TRAPPC9: variants seen among roughly 807,000 people sequenced by gnomAD.
TRAPPC9 encodes IKK2 binding protein.
TRAPPC9 carries 83 observed loss-of-function variants against 124.0 expected under a neutral mutation model. The observed-to-expected ratio is 0.67, with a 90% CI of 0.56 to 0.80. The LOEUF (loss-of-function observed/expected upper bound fraction) is 0.80. Ranked by LOEUF, TRAPPC9 falls within the 30% of genes least tolerant of loss-of-function variation. The pLI, the probability that TRAPPC9 is intolerant of heterozygous loss-of-function variation, is 0.00. For synonymous variants in TRAPPC9, 638 were observed against 617.5 expected, an observed-to-expected ratio of 1.03 and a Z score of -0.49; for missense variants, 1,302 against 1,508.3, an observed-to-expected ratio of 0.86 and a Z score of 2.27.
chr8:139,778,877 T>C (rs1157297595), intron 21 of TRAPPC9, among the ~76,000 whole-genome samples: 4 of 152,000 alleles, frequency 2.6e-5, no homozygotes, highest in African/African-American at 9.7e-5. Flanking sequence ...TGGTCAAAAT[T>C]TTCCCCAAAT....
chr8:140,006,288 T>C (rs1372584178), intron 18 of TRAPPC9, among the ~76,000 whole-genome samples: 1 of 152,310 alleles, frequency 6.6e-6, no homozygotes, highest in African/African-American at 2.4e-5. Context: ...AAAAATATAA[T>C]TTTTTAAATG....
intron 19 of TRAPPC9, among the ~76,000 whole-genome samples, chr8:139,922,147 C>A (rs1055906845): frequency 2.0e-5 from 3 of 151,662 alleles, no homozygotes; most frequent in South Asian, 2.1e-4. Context: ...CATTTATTTT[C>A]ATTTCCTTCC....
Position 139,988,762 on chromosome 8 carries a change from C to T in TRAPPC9, c.2774G>A (p.Ser925Asn). The change falls in exon 19 of 23, where the codon AGC becomes AAC. Residue 925 changes from serine (S) to asparagine (N), a missense_variant. By Grantham distance (46) the Ser-to-Asn change is conservative. Coordinates refer to ENST00000438773, the MANE Select transcript of TRAPPC9 (RefSeq NM_001160372.4). ...EHELTVSTRS[S>N]EALILHAGEC... ...ACCGGCGTGCAGGATGAGTGCCTCGCTGCTCCTGGTGCTGACGGTCAGCTC... is the reference window on the plus strand; with the variant it reads ...ACCGGCGTGCAGGATGAGTGCCTCGTTGCTCCTGGTGCTGACGGTCAGCTC... 6.4e-7 allele frequency: 1 copy of T among 1,551,362 alleles called. No homozygotes were observed. Among genetic ancestry groups the T allele is most frequent in the South Asian group, 1.2e-5 (1 of 84,054 alleles).
chr8:140,293,860 TATA>T (rs1021846203), intron 11 of TRAPPC9, among the ~76,000 whole-genome samples: 9 of 151,890 alleles, frequency 5.9e-5, no homozygotes, highest in Non-Finnish European at 1.0e-4. Flanking sequence ...AAACTTAAAG[TATA>T]ATAATAATAA....
chr8:140,410,816 C>A (rs1387702222), intron 5 of TRAPPC9, among the ~76,000 whole-genome samples: 2 of 150,188 alleles, frequency 1.3e-5, no homozygotes, highest in South Asian at 2.1e-4. Context: ...GCATTCTAGC[C>A]TGGGTGACAG....
rs568900018 is a variant in TRAPPC9 at position 139,999,027 on chromosome 8, A to C, written c.2700-10191T>G. Among the ~76,000 whole-genome samples the C allele has an allele frequency of 2.0e-5, 3 of 152,322 alleles. No individual in the cohort carries two copies. In the East Asian group the frequency reaches 5.8e-4, roughly 29 times the overall value. On this transcript the variant is annotated intron_variant, in intron 18 of 22. Coordinates refer to ENST00000438773, the MANE Select transcript of TRAPPC9 (RefSeq NM_001160372.4). ...ATGCTTTAAAAATCAAATAGTTTAA[A>C]AGAACATAAAAAAGGAGAAATGGAA...
At chr8:140,133,210 C>A (rs1209712583) in intron 17 of TRAPPC9, among the ~76,000 whole-genome samples, 1 of 152,074 alleles carries the variant, frequency 6.6e-6, no homozygotes, top group East Asian at 1.9e-4. Context: ...GGACTATGTA[C>A]CATGACCAAG....
At chr8:140,077,813 G>A (rs1255318809) in intron 17 of TRAPPC9, among the ~76,000 whole-genome samples, 2 of 152,124 alleles carry the variant, frequency 1.3e-5, no homozygotes, top group Non-Finnish European at 2.9e-5. Flanking sequence ...CGGAAAGGCA[G>A]GAAAGCTGCA....
At chr8:140,062,860 A>G (rs187954769) in intron 17 of TRAPPC9, among the ~76,000 whole-genome samples, 14 of 152,216 alleles carry the variant, frequency 9.2e-5, no homozygotes, top group African/African-American at 2.9e-4. Flanking sequence ...ACTATCACAC[A>G]CTACTTCTCA....
At chr8:140,329,077 G>A (rs1308112229) in intron 9 of TRAPPC9, among the ~76,000 whole-genome samples, 5 of 152,092 alleles carry the variant, frequency 3.3e-5, no homozygotes, top group Non-Finnish European at 2.9e-5. Context: ...GCGGACCCCT[G>A]AGCACCATGA....
At chr8:140,166,062 A>G (rs184683462) in intron 17 of TRAPPC9, among the ~76,000 whole-genome samples, 7 of 152,338 alleles carry the variant, frequency 4.6e-5, no homozygotes, top group Admixed American at 4.6e-4. Context: ...CACACTCTGC[A>G]TATGTGCACC....
intron 4 of TRAPPC9, among the ~76,000 whole-genome samples, chr8:140,427,068 G>A (rs1023130954): frequency 1.3e-5 from 2 of 151,324 alleles, no homozygotes; most frequent in Non-Finnish European, 2.9e-5. Flanking sequence ...TGGGACTACA[G>A]GCGTGCGCCA....
chr8:139,990,814 T>C (rs1308342980), intron 18 of TRAPPC9, among the ~76,000 whole-genome samples: 1 of 152,200 alleles, frequency 6.6e-6, no homozygotes, highest in African/African-American at 2.4e-5. Context: ...CTCAAACTCC[T>C]GACCTCAGGT....
intron 19 of TRAPPC9, among the ~76,000 whole-genome samples, chr8:139,939,896 G>C (rs1833796680): frequency 6.6e-6 from 1 of 152,252 alleles, no homozygotes; most frequent in Admixed American, 6.5e-5. Flanking sequence ...GGAAAGGCCT[G>C]CCCCTCTGGC....
intron 9 of TRAPPC9, among the ~76,000 whole-genome samples, chr8:140,357,291 G>C (rs1288466869): frequency 6.6e-6 from 1 of 152,104 alleles, no homozygotes; most frequent in Non-Finnish European, 1.5e-5. Flanking sequence ...GCTGTGGGAA[G>C]GAAGGTGTGT....
intron 18 of TRAPPC9, among the ~76,000 whole-genome samples, chr8:140,007,474 G>T (rs1275394278): frequency 1.3e-5 from 2 of 152,178 alleles, no homozygotes; most frequent in Admixed American, 6.5e-5. Context: ...AAAAGTACTT[G>T]CAAATAACAA....
chr8:139,895,932 G>T (rs144017772), intron 20 of TRAPPC9, among the ~76,000 whole-genome samples: 9 of 152,218 alleles, frequency 5.9e-5, no homozygotes, highest in African/African-American at 2.2e-4. Context: ...AACAGGCCCG[G>T]CCAGGCTGAG....
chr8:140,154,316 T>C (rs1587820141), intron 17 of TRAPPC9, among the ~76,000 whole-genome samples: 1 of 152,262 alleles, frequency 6.6e-6, no homozygotes, highest in Admixed American at 6.5e-5. Flanking sequence ...TGGCTCCACA[T>C]CCACTTTATT....
chr8:140,413,004 T>A (rs556212235), intron 5 of TRAPPC9, among the ~76,000 whole-genome samples: 1 of 152,298 alleles, frequency 6.6e-6, no homozygotes, highest in African/African-American at 2.4e-5. Flanking sequence ...AGTCACTTCA[T>A]CACTTACACA....
Sources: allele counts gnomAD v4.1 joint callset (sites outside exome capture counted in the v4.1 genomes callset), GRCh38; gene constraint gnomAD v4.1.1; transcripts MANE v1.5; gene names NCBI Gene and HGNC (gene_info 2026-07-23, HGNC 2026-07-21).